The following SLC26A9 variants were observed in gnomAD, a reference collection of about 807,000 sequenced individuals.
SLC26A9 encodes anion transporter/exchanger protein 9.
In SLC26A9, 46 loss-of-function variants were observed where a neutral mutation model predicts 87.1. That is an observed-to-expected ratio of 0.53 (90% CI 0.42 to 0.67). The LOEUF (loss-of-function observed/expected upper bound fraction) is 0.67. SLC26A9 is among the 30% of genes least tolerant of loss of function. The pLI, the probability that SLC26A9 is intolerant of heterozygous loss-of-function variation, is 0.00. For missense variants in SLC26A9, 927 were observed against 1,018.3 expected (o/e 0.91, Z 1.22); for synonymous variants, 437 against 409.1 (o/e 1.07, Z -0.82).
chr1:205,930,009 G>C lies in SLC26A9; in HGVS notation c.600C>G (p.Ser200=), dbSNP rs553567883. ...TCATGAAGCCCCGGATGAAGGACTC[G>C]GAGAGGTAGATGGCCACAAAGCCAA... ...MQFGFVAIYL[S]ESFIRGFMTA... Residue 200 remains serine (S), a synonymous_variant, in exon 6 of 21, where the codon TCC becomes TCG. Transcript: ENST00000367135. 1 of 1,613,546 alleles carries C rather than the reference G, an allele frequency of 6.2e-7. No homozygotes were observed. Among genetic ancestry groups the C allele is most frequent in the Non-Finnish European group, 8.5e-7 (1 of 1,179,618 alleles).
chr1:205,928,277 TCCC>T (rs1408557184), intron 8 of SLC26A9: 9 of 581,324 alleles, frequency 1.5e-5, no homozygotes, highest in Non-Finnish European at 2.7e-5. Context: ...TTGCCCAAGG[TCCC>T]CGGGCCAGTA....
intron 16 of SLC26A9, among the ~76,000 whole-genome samples, chr1:205,922,208 C>T (rs1171723521): frequency 6.6e-6 from 1 of 152,216 alleles, no homozygotes; most frequent in Non-Finnish European, 1.5e-5. Flanking sequence ...ACTATCTCGG[C>T]TCACTGCAAC....
Position 205,927,250 on chromosome 1 carries a change from G to A in SLC26A9, c.1254C>T (p.Thr418=). ...ACAGATAGATCCCCAGGACCAGCAT[G>A]GTGATCATCACCACCAGAGACACAC... ...SLCVSLVVMI[T]MLVLGIYLYP... is the part of the protein sequence containing the mutation. Residue 418 remains threonine, a synonymous_variant, in exon 11 of 21, where the codon ACC becomes ACT. Coordinates refer to ENST00000367135, the MANE Select transcript of SLC26A9 (RefSeq NM_052934.4). The A allele has an allele frequency of 1.2e-6, 2 of 1,614,188 alleles. No individual in the cohort carries two copies. The highest frequency in any genetic ancestry group is 1.1e-5 in the South Asian group (1 of 91,082).
At chr1:205,933,473 G>A (rs549104699) in intron 2 of SLC26A9, among the ~76,000 whole-genome samples, 156 of 152,232 alleles carry the variant, frequency 1.0e-3, no homozygotes, top group Non-Finnish European at 1.6e-3. Context: ...GGCTCCTGCC[G>A]CTGTGTGTGC....
chr1:205,921,999 G>T, intron 16 of SLC26A9, 152 bp from the exon 17 acceptor site: 1 of 1,099,886 alleles, frequency 9.1e-7, no homozygotes, highest in Non-Finnish European at 1.3e-6. Context: ...CACCAGAGAG[G>T]CCTCTCCCAA....
Position 205,917,313 on chromosome 1 carries a change from C to G in SLC26A9, c.2298G>C (p.Glu766Asp). The stretch of plus-strand genomic sequence containing the variant: ...CTAAGTCCCAGTAGCTGCGAATGTC[C>G]TCCTCTGAGTCGTACAAGGAGAGCT... ...DAELSLYDSE[E>D]DIRSYWDLEQ... The change falls in exon 20 of 21, where the codon GAG (glutamate) becomes GAC (aspartate). Residue 766 changes from glutamate (E) to aspartate (D), a missense_variant. Glu to Asp is a conservative substitution (Grantham distance 45). Transcript: ENST00000367135. The G allele has an allele frequency of 5.0e-6, 8 of 1,614,042 alleles. No individual in the cohort carries two copies. The highest frequency in any genetic ancestry group is 6.8e-6 in the Non-Finnish European group (8 of 1,180,010).
rs893383834 is a variant in SLC26A9, at chr1:205,914,764, G to A, written c.*593C>T. ...TGGGCAGCCTTGGGGATGATGGAGG[G>A]GGGGCGCATAGTTACCAAGGCCTAG... On this transcript the variant is annotated 3_prime_UTR_variant, in exon 21 of 21. Coordinates refer to ENST00000367135, the MANE Select transcript of SLC26A9 (RefSeq NM_052934.4). 33 of 1,176,008 alleles carry A rather than the reference G, an allele frequency of 2.8e-5. 1 individual carries two copies. Among genetic ancestry groups the A allele is most frequent in the South Asian group, 1.4e-4 (9 of 66,448 alleles). 72.8% of individuals were successfully genotyped at this position (1,176,008 alleles called of 1,614,324 possible).
chr1:205,938,328 C>A (rs1659603054), intron 1 of SLC26A9, among the ~76,000 whole-genome samples: 1 of 151,994 alleles, frequency 6.6e-6, no homozygotes, highest in African/African-American at 2.4e-5. Flanking sequence ...CCTCCACCCA[C>A]CCTGTCCCAT....
chr1:205,931,243 A>G (rs959539125), intron 5 of SLC26A9, among the ~76,000 whole-genome samples: 1 of 152,184 alleles, frequency 6.6e-6, no homozygotes, highest in Non-Finnish European at 1.5e-5. Context: ...AGAGAAAATT[A>G]GCAGTCTGCA....
In SLC26A9 at chr1:205,928,570, C is replaced by T. The variant is rs1421614406; in HGVS notation, c.953+257G>A. On this transcript the variant is annotated intron_variant, in intron 8 of 20. Transcript: ENST00000367135. The stretch of plus-strand genomic sequence containing the variant: ...GCCAGCAAGCGGCTGTTCAGAGAGG[C>T]TTTGTTTAACAGCATCAGTTGAATG... Among the ~76,000 whole-genome samples, 3 of 152,178 alleles carry T rather than the reference C, an allele frequency of 2.0e-5. No individual in the cohort carries two copies. The South Asian group carries it at 6.2e-4, about 32-fold the overall frequency.
At chr1:205,927,338 C>T in intron 10 of SLC26A9, 50 bp from the exon 11 acceptor site, 2 of 1,605,042 alleles carry the variant, frequency 1.2e-6, no homozygotes, top group South Asian at 1.1e-5. Flanking sequence ...AATTTTTGCT[C>T]TTGATTTACT....
intron 9 of SLC26A9, 106 bp downstream of exon 9, chr1:205,927,796 G>A: frequency 6.5e-7 from 1 of 1,539,038 alleles, no homozygotes; most frequent in East Asian, 2.3e-5. Flanking sequence ...CCACACTCGA[G>A]GCAGCCTGCC....
In SLC26A9 at chr1:205,915,733, A is replaced by T. The variant is rs369178403; in HGVS notation, c.2329-329T>A. On this transcript the variant is annotated intron_variant, in intron 20 of 20. Transcript: ENST00000367135. Reference sequence around the variant, plus strand: ...TGGGTAAAATGAGGGTTGGCAGTAGACAAGCTCTGAAGTCCTTTCTCACGT... The same window carrying T: ...TGGGTAAAATGAGGGTTGGCAGTAGTCAAGCTCTGAAGTCCTTTCTCACGT... Among the ~76,000 whole-genome samples the T allele has an allele frequency of 8.0e-4, 122 of 152,290 alleles. 1 individual carries two copies. In the South Asian group the frequency reaches 8.3e-3, roughly 10 times the overall value.
chr1:205,938,770 C>T (rs1243969141), intron 1 of SLC26A9, among the ~76,000 whole-genome samples: 1 of 152,218 alleles, frequency 6.6e-6, no homozygotes, highest in African/African-American at 2.4e-5. Flanking sequence ...TTCCTGACCA[C>T]CTTGAAACCC....
Position 205,943,400 on chromosome 1 carries a change from GGT to G in SLC26A9, c.-56_-55del, listed in dbSNP as rs1659830601. 1 of 152,494 alleles carries G rather than the reference GGT, an allele frequency of 6.6e-6. No individual in the cohort carries two copies. Among genetic ancestry groups the G allele is most frequent in the South Asian group, 2.1e-4 (1 of 4,824 alleles). 9.4% of individuals were successfully genotyped at this position (152,494 alleles called of 1,614,324 possible). A position where few individuals can be genotyped will look rare whatever the true frequency, so the allele number is the denominator to read the frequency against. ...GCAAAGCCGGCTGGGCAGGGCTGCA[GGT>G]GTGTCTGGGGAGCGGGCAGCCGAAA... is the stretch of plus-strand genomic sequence containing the variant. On this transcript the variant is annotated 5_prime_UTR_variant, in exon 1 of 21. Transcript: ENST00000367135.
chr1:205,929,353 A>G lies in SLC26A9; in HGVS notation c.721T>C (p.Phe241Leu). 1 of 1,613,878 alleles carries G rather than the reference A, an allele frequency of 6.2e-7. No individual in the cohort carries two copies. The highest frequency in any genetic ancestry group is 8.5e-7 in the Non-Finnish European group (1 of 1,179,828). ...GGGAGGTTTTTGCAAATGTCAATGA[A>G]GGTCTGGGGGAAAGAGCATCATGCT... ...YTGPGSIVFT[F>L]IDICKNLPHT... is the part of the protein sequence containing the mutation. The change falls in exon 7 of 21, where the codon TTC (phenylalanine) becomes CTC (leucine). Residue 241 changes from phenylalanine (F) to leucine (L), a missense_variant. Phe to Leu is a conservative substitution (Grantham distance 22). Transcript: ENST00000367135.
intron 4 of SLC26A9, 131 bp from the exon 5 acceptor site, chr1:205,932,166 C>A: frequency 9.7e-7 from 1 of 1,030,346 alleles, no homozygotes; most frequent in South Asian, 1.7e-5. Flanking sequence ...TTCTCCAACA[C>A]AATAATAACA....
chr1:205,926,610 G>C lies in SLC26A9; in HGVS notation c.1314C>G (p.Ile438Met), dbSNP rs759289783. 1 of 1,614,020 alleles carries C rather than the reference G, an allele frequency of 6.2e-7. No homozygotes were observed. Among genetic ancestry groups the C allele is most frequent in the Non-Finnish European group, 8.5e-7 (1 of 1,179,950 alleles). The change falls in exon 12 of 21, where the codon ATC becomes ATG. Residue 438 changes from isoleucine to methionine, a missense_variant. Ile to Met is a conservative substitution (Grantham distance 10, BLOSUM62 1). Transcript: ENST00000367135. ...PLPKSVLGAL[I>M]AVNLKNSLKQ... is the part of the protein sequence containing the mutation. ...TGAGGGAGTTCTTGAGATTGACAGC[G>C]ATCAGGGCTCCTAGCACAGACTAGA...
intron 4 of SLC26A9, 75 bp downstream of exon 4, chr1:205,932,627 C>A (rs1400231139): frequency 1.6e-6 from 2 of 1,256,238 alleles, no homozygotes; most frequent in African/African-American, 1.5e-5. Context: ...TGGAAAATCT[C>A]CCGAGGCCCC....
Sources: allele counts gnomAD v4.1 joint callset (sites outside exome capture counted in the v4.1 genomes callset), GRCh38; gene constraint gnomAD v4.1.1; transcripts MANE v1.5; gene names NCBI Gene and HGNC (gene_info 2026-07-23, HGNC 2026-07-21).